The following SVIL variants were observed in gnomAD, a reference collection of about 807,000 sequenced individuals.
The protein encoded by SVIL is archvillin.
In SVIL, 101 loss-of-function variants were observed where a neutral mutation model predicts 240.4. The observed-to-expected ratio is 0.42, with a 90% CI of 0.36 to 0.50. The LOEUF (loss-of-function observed/expected upper bound fraction) is 0.50. SVIL is among the 20% of genes least tolerant of loss of function. The probability of loss-of-function intolerance (pLI) is 0.01; values close to 1 mark genes in which losing one functional copy is unlikely to be tolerated. For missense variants in SVIL, 2,512 were observed against 2,818.7 expected (o/e 0.89, Z 2.46); for synonymous variants, 999 against 1,100.0 (o/e 0.91, Z 1.82).
chr10:29,638,398 G>A (rs1034329040), upstream of SVIL, among the ~76,000 whole-genome samples: 7 of 151,852 alleles, frequency 4.6e-5, no homozygotes, highest in South Asian at 2.1e-4. Flanking sequence ...CCCGGGAGGC[G>A]GAGGTTGCAG....
At chr10:29,497,663 G>C (rs367617013) in intron 18 of SVIL, among the ~76,000 whole-genome samples, 30 of 152,200 alleles carry the variant, frequency 2.0e-4, no homozygotes, top group African/African-American at 5.3e-4. Flanking sequence ...GTCAGTCAGA[G>C]AAATCAGGTT....
At chr10:29,717,947 G>A (rs1963728649) in intron 1 of SVIL, among the ~76,000 whole-genome samples, 1 of 152,084 alleles carries the variant, frequency 6.6e-6, no homozygotes, top group Non-Finnish European at 1.5e-5. Context: ...AAGAAAAAAT[G>A]TCTCATTAAT....
intron 1 of SVIL, among the ~76,000 whole-genome samples, chr10:29,719,007 G>A (rs560471506): frequency 6.6e-6 from 1 of 152,254 alleles, no homozygotes; most frequent in Non-Finnish European, 1.5e-5. Context: ...CTACTTGGGA[G>A]GCTGGCAGGA....
intron 1 of SVIL, among the ~76,000 whole-genome samples, chr10:29,632,108 C>T (rs1192257951): frequency 2.6e-5 from 4 of 152,282 alleles, no homozygotes; most frequent in South Asian, 2.1e-4. Flanking sequence ...CCATGTAGCC[C>T]GAGAGCCCTG....
At chr10:29,468,342 T>G (rs1426310314) in intron 32 of SVIL, among the ~76,000 whole-genome samples, 1 of 152,226 alleles carries the variant, frequency 6.6e-6, no homozygotes, top group East Asian at 1.9e-4. Flanking sequence ...CTAATTTTTT[T>G]CATCCATTAA....
At chr10:29,536,717 C>T (rs979010925) in intron 6 of SVIL, among the ~76,000 whole-genome samples, 1 of 152,036 alleles carries the variant, frequency 6.6e-6, no homozygotes, top group African/African-American at 2.4e-5. Context: ...CAAGACCAGC[C>T]TGGCCAACAT....
chr10:29,627,687 CTGGAG>C (rs544721794), intron 1 of SVIL, among the ~76,000 whole-genome samples: 113 of 152,324 alleles, frequency 7.4e-4, no homozygotes, highest in African/African-American at 2.6e-3. Context: ...TCTGATGCCT[CTGGAG>C]TGAAGACCTG....
At chr10:29,567,399 G>A (rs1331023573) in intron 2 of SVIL, among the ~76,000 whole-genome samples, 1 of 152,336 alleles carries the variant, frequency 6.6e-6, no homozygotes, top group Non-Finnish European at 1.5e-5. Context: ...TATGGGAGAC[G>A]AAGCCCCATG....
chr10:29,715,378 C>A (rs890536884), intron 1 of SVIL, among the ~76,000 whole-genome samples: 4 of 152,200 alleles, frequency 2.6e-5, no homozygotes, highest in African/African-American at 9.6e-5. Context: ...TAAGGGACAG[C>A]TTTCCCCTAA....
chr10:29,569,497 T>C (rs1380877950), intron 1 of SVIL, among the ~76,000 whole-genome samples, 185 bp from the exon 2 acceptor site: 1 of 152,170 alleles, frequency 6.6e-6, no homozygotes, highest in Non-Finnish European at 1.5e-5. Flanking sequence ...GAAATTTACA[T>C]AGGCAAGTTT....
At chr10:29,574,807 C>T (rs1955615453) in intron 1 of SVIL, among the ~76,000 whole-genome samples, 1 of 152,096 alleles carries the variant, frequency 6.6e-6, no homozygotes, top group African/African-American at 2.4e-5. Flanking sequence ...CCAGCCTGAC[C>T]CCAGAAGGAG....
intron 3 of SVIL, among the ~76,000 whole-genome samples, chr10:29,645,667 G>A (rs1390184246): frequency 6.6e-6 from 1 of 152,216 alleles, no homozygotes; most frequent in Non-Finnish European, 1.5e-5. Flanking sequence ...GACAGTAGGA[G>A]AGCAAGCAAA....
chr10:29,524,806 C>T (rs1950788312), intron 13 of SVIL, 91 bp from the exon 14 acceptor site: 1 of 1,566,010 alleles, frequency 6.4e-7, no homozygotes, highest in African/African-American at 1.4e-5. Flanking sequence ...AGTGTCACAT[C>T]ATTTTGCAAA....
chr10:29,646,964 G>C (rs1341832000), intron 3 of SVIL, among the ~76,000 whole-genome samples: 3 of 152,172 alleles, frequency 2.0e-5, no homozygotes, highest in African/African-American at 7.2e-5. Context: ...TCCACCTTCT[G>C]ACTGGTGGAA....
chr10:29,468,825 G>A (rs1229454601), intron 32 of SVIL: 2 of 151,900 alleles, frequency 1.3e-5, no homozygotes, highest in African/African-American at 4.8e-5. Context: ...TCCTAGGGAG[G>A]GATGTTTAAT....
At chr10:29,693,552 T>C (rs1961685836) in intron 1 of SVIL, among the ~76,000 whole-genome samples, 1 of 152,164 alleles carries the variant, frequency 6.6e-6, no homozygotes, top group Admixed American at 6.5e-5. Context: ...AATAGATGCC[T>C]GAGCACCCAG....
intron 22 of SVIL, 37 bp downstream of exon 22, chr10:29,490,810 C>T (rs1209642420): frequency 6.2e-7 from 1 of 1,609,294 alleles, no homozygotes; most frequent in Non-Finnish European, 8.5e-7. Context: ...GAAGCCATTC[C>T]CAAACACAGA....
intron 29 of SVIL, among the ~76,000 whole-genome samples, chr10:29,478,642 A>T (rs1946466822): frequency 6.6e-6 from 1 of 152,162 alleles, no homozygotes; most frequent in South Asian, 2.1e-4. Flanking sequence ...TTGCTTGCTC[A>T]TAAGAAATTA....
At chr10:29,678,622 G>C (rs931292098) in intron 2 of SVIL, among the ~76,000 whole-genome samples, 31 of 152,240 alleles carry the variant, frequency 2.0e-4, no homozygotes, top group African/African-American at 7.0e-4. Flanking sequence ...TGAATGGCAG[G>C]TGTATGTTGA....
Sources: gnomAD v4.1 joint callset for allele counts (sites outside exome capture counted in the v4.1 genomes callset) on GRCh38, gnomAD v4.1.1 for gene constraint, MANE v1.5 for transcripts, NCBI Gene and HGNC (gene_info 2026-07-23, HGNC 2026-07-21) for gene names.